Variants in CACNA1B observed in about 807,000 individuals in gnomAD.
CACNA1B encodes voltage-dependent N-type calcium channel subunit alpha-1B.
Under a neutral mutation model 247.2 loss-of-function variants are expected in CACNA1B, and 70 were observed. The ratio of observed to expected loss-of-function variants is 0.28; its 90% confidence interval spans 0.23 to 0.35. The LOEUF (loss-of-function observed/expected upper bound fraction) is 0.35. Ranked by LOEUF, CACNA1B falls within the 10% of genes least tolerant of loss-of-function variation. CACNA1B has a pLI of 1.00. For missense variants in CACNA1B, 2,367 were observed against 3,197.4 expected, an observed-to-expected ratio of 0.74 and a Z score of 6.26; for synonymous variants, 1,231 against 1,294.4, an observed-to-expected ratio of 0.95 and a Z score of 1.05.
Position 137,955,667 on chromosome 9 carries a change from T to G in CACNA1B, c.1071-31T>G. On this transcript the variant is annotated intron_variant, in intron 7 of 46. Transcript: ENST00000371372. The surrounding 1 kb of genome is among the most constrained non-coding windows in gnomAD (Gnocchi z 6.9). ...CACACCTGTGGGGCTTGCACTCACC[T>G]GATCTTGCTTTTCCGGCCCCTGCAT... The G allele has an allele frequency of 3.4e-6, 5 of 1,472,012 alleles. No homozygotes were observed. The highest frequency in any genetic ancestry group is 4.7e-6 in the Non-Finnish European group (5 of 1,058,714). 91.2% of individuals were successfully genotyped at this position (1,472,012 alleles called of 1,614,324 possible).
intron 31 of CACNA1B, among the ~76,000 whole-genome samples, chr9:138,064,107 C>T (rs1251598269): frequency 2.6e-5 from 4 of 152,144 alleles, no homozygotes; most frequent in Admixed American, 2.6e-4. Context: ...GAGATGGAGC[C>T]GCAATCTCAT....
At position 137,971,377 on chromosome 9, in the gene CACNA1B, C is replaced by T; in HGVS notation, c.1334-6C>T. On this transcript the variant is annotated splice_region_variant and splice_polypyrimidine_tract_variant and intron_variant, in intron 10 of 46. Coordinates refer to ENST00000371372, the MANE Select transcript of CACNA1B (RefSeq NM_000718.4). This position sits in a 1 kb window ranked among gnomAD's most constrained non-coding sequence, Gnocchi z 4.4. ...CCACATCCTCAGTAACTCCCCATCCCCTCAGGATCCCCCTTCGCCCGCGCC... is the reference window on the plus strand; with the variant it reads ...CCACATCCTCAGTAACTCCCCATCCTCTCAGGATCCCCCTTCGCCCGCGCC... The T allele has an allele frequency of 6.2e-7, 1 of 1,604,124 alleles. No homozygotes were observed. The highest frequency in any genetic ancestry group is 2.3e-5 in the East Asian group (1 of 44,364).
At chr9:138,022,278 T>C (rs1958854460) in intron 18 of CACNA1B, among the ~76,000 whole-genome samples, 2 of 152,168 alleles carry the variant, frequency 1.3e-5, no homozygotes, top group South Asian at 4.1e-4. Context: ...GGAGGTGGCA[T>C]TTCCAGCTTC....
chr9:138,076,317 T>C (rs1960317260), intron 35 of CACNA1B, among the ~76,000 whole-genome samples: 1 of 152,122 alleles, frequency 6.6e-6, no homozygotes. Context: ...CCCTTGTTGA[T>C]TACAGGGATT....
chr9:137,937,947 C>CAAAAAAAAAAAAAAAAAAAA (rs57680122), intron 6 of CACNA1B, among the ~76,000 whole-genome samples: 1 of 21,924 alleles, frequency 4.6e-5, no homozygotes, highest in Admixed American at 8.3e-4. Flanking sequence ...AACTCTGTCT[C>CAAAAAAAAAAAAAAAAAAAA]AAAAAAAAAA....
At chr9:138,118,620 G>T (rs200412255) in intron 43 of CACNA1B, 32 bp from the exon 44 acceptor site, 135 of 1,094,994 alleles carry the variant, frequency 1.2e-4, no homozygotes, top group Non-Finnish European at 1.6e-4. Context: ...GGTGCCTTGT[G>T]TGGTGGGACT....
At chr9:138,112,611 T>TC in intron 40 of CACNA1B, 106 bp downstream of exon 40, 1 of 747,740 alleles carries the variant, frequency 1.3e-6, no homozygotes, top group Non-Finnish European at 2.4e-6. Context: ...GCAGGCCACC[T>TC]TGGAGAGGTG....
In CACNA1B at chr9:138,121,213, C is replaced by T. The variant is rs965015398; in HGVS notation, c.6490-256C>T. Among the ~76,000 whole-genome samples, 1 of 152,124 alleles carries T rather than the reference C, an allele frequency of 6.6e-6. No individual in the cohort carries two copies. The highest frequency in any genetic ancestry group is 2.4e-5 in the African/African-American group (1 of 41,424). ...TGTGGTCGTTGGGCTTTTGTTCTGT[C>T]CTTTTCCCTGGCCCCAGCCTGTCCC... On this transcript the variant is annotated intron_variant, in intron 46 of 46. Transcript: ENST00000371372. This position sits in a 1 kb window ranked among gnomAD's most constrained non-coding sequence, Gnocchi z 6.8.
At chr9:137,981,694 G>A (rs971438064) in intron 12 of CACNA1B, among the ~76,000 whole-genome samples, 8 of 152,162 alleles carry the variant, frequency 5.3e-5, no homozygotes, top group Admixed American at 5.2e-4. Context: ...GGTCGGGCTG[G>A]TCCCGAACTC....
intron 12 of CACNA1B, among the ~76,000 whole-genome samples, chr9:137,978,090 C>A (rs1252539509): frequency 4.5e-5 from 6 of 134,162 alleles, no homozygotes; most frequent in Admixed American, 1.5e-4. Context: ...GCACTGCCCT[C>A]CCCCAGGAAG....
intron 20 of CACNA1B, among the ~76,000 whole-genome samples, chr9:138,035,664 C>T (rs1241829072): frequency 1.3e-5 from 2 of 152,018 alleles, no homozygotes; most frequent in East Asian, 3.8e-4. Context: ...TATCAATGCC[C>T]CAGTCTTTGT....
Position 137,882,136 on chromosome 9 carries a change from C to A in CACNA1B, c.391-608C>A, listed in dbSNP as rs1002269746. ...CCGAGATGTGCATGTTCTGGTTACCCGGGTGCATGTTGAATGCATAAACGG... is the reference window on the plus strand; with the variant it reads ...CCGAGATGTGCATGTTCTGGTTACCAGGGTGCATGTTGAATGCATAAACGG... On this transcript the variant is annotated intron_variant, in intron 2 of 46. Coordinates refer to ENST00000371372, the MANE Select transcript of CACNA1B (RefSeq NM_000718.4). This position sits in a 1 kb window ranked among gnomAD's most constrained non-coding sequence, Gnocchi z 4.0. 2.0e-5 allele frequency among the ~76,000 whole-genome samples: 3 copies of A among 152,150 alleles called. No homozygotes were observed. The highest frequency in any genetic ancestry group is 4.4e-5 in the Non-Finnish European group (3 of 68,026).
intron 6 of CACNA1B, among the ~76,000 whole-genome samples, chr9:137,937,948 A>C (rs1332899988): frequency 1.6e-5 from 1 of 64,416 alleles, no homozygotes; most frequent in Admixed American, 1.3e-4. Flanking sequence ...ACTCTGTCTC[A>C]AAAAAAAAAA....
intron 3 of CACNA1B, chr9:137,892,031 C>T (rs1431242555): frequency 4.4e-6 from 2 of 457,276 alleles, no homozygotes; most frequent in Non-Finnish European, 8.8e-6. Context: ...AGTGTGCGGC[C>T]TCTGTGTCTT....
In CACNA1B at chr9:137,949,211, G is replaced by A. The variant is rs1469222983; in HGVS notation, c.967-3063G>A. Among the ~76,000 whole-genome samples, 15 of 151,752 alleles carry A rather than the reference G, an allele frequency of 9.9e-5. No homozygotes were observed. In the South Asian group the frequency reaches 1.0e-3, roughly 11 times the overall value. Reference sequence around the variant, plus strand: ...TGTATGGTGTATGTGTGTCTGGTATGTGTGGTGTGAGTGTGTGTGTGGTGT... The same window carrying A: ...TGTATGGTGTATGTGTGTCTGGTATATGTGGTGTGAGTGTGTGTGTGGTGT... On this transcript the variant is annotated intron_variant, in intron 6 of 46. Coordinates refer to ENST00000371372, the MANE Select transcript of CACNA1B (RefSeq NM_000718.4).
rs147008743 is a variant in CACNA1B, at chr9:138,086,322, G to T, written c.5094+8064G>T. Among the ~76,000 whole-genome samples the T allele has an allele frequency of 5.1e-3, 774 of 151,300 alleles. 46 individuals are homozygous for T. The highest frequency in any genetic ancestry group is 0.018 in the African/African-American group (735 of 40,990). ...ACGTAAACAGAAACCAAATTGAGCAGGAGTGCTATACTTACATCAGACAAA... is the reference window on the plus strand; with the variant it reads ...ACGTAAACAGAAACCAAATTGAGCATGAGTGCTATACTTACATCAGACAAA... On this transcript the variant is annotated intron_variant, in intron 36 of 46. Transcript: ENST00000371372.
chr9:137,995,931 AG>A (rs1958494937), intron 15 of CACNA1B, among the ~76,000 whole-genome samples: 1 of 152,210 alleles, frequency 6.6e-6, no homozygotes, highest in South Asian at 2.1e-4. Context: ...CATCACTGTC[AG>A]GGGAATGCAA....
chr9:137,970,970 G>A lies in CACNA1B; in HGVS notation c.1334-413G>A, dbSNP rs374609588. Among the ~76,000 whole-genome samples the A allele has an allele frequency of 3.3e-5, 5 of 152,294 alleles. 1 individual carries two copies. In the South Asian group the frequency reaches 8.3e-4, roughly 25 times the overall value. On this transcript the variant is annotated intron_variant, in intron 10 of 46. Transcript: ENST00000371372. ...TGAGTCCGGAGGGCGAGAGAGGGAG[G>A]GCCAGATGCTGCAGGGCTCTGTGGG...
rs557627061 is a variant in CACNA1B at position 138,011,601 on chromosome 9, G to T, written c.2160+1524G>T. Among the ~76,000 whole-genome samples, 1 of 152,282 alleles carries T rather than the reference G, an allele frequency of 6.6e-6. No homozygotes were observed. Among genetic ancestry groups the T allele is most frequent in the South Asian group, 2.1e-4 (1 of 4,826 alleles). ...TGAATTTGTTTTAGACCTTCCAGGG[G>T]ACTTTAGAACACTCCCTGGAGTGAC... On this transcript the variant is annotated intron_variant, in intron 17 of 46. Transcript: ENST00000371372. The surrounding 1 kb of genome is among the most constrained non-coding windows in gnomAD (Gnocchi z 4.2).
Sources: allele counts gnomAD v4.1 joint callset (sites outside exome capture counted in the v4.1 genomes callset), GRCh38; gene constraint gnomAD v4.1.1; non-coding constraint Gnocchi (gnomAD v3.1); transcripts MANE v1.5; gene names NCBI Gene and HGNC (gene_info 2026-07-23, HGNC 2026-07-21).